GPR137C: variants seen among roughly 807,000 people sequenced by gnomAD.
GPR137C encodes the protein integral membrane protein GPR137C.
GPR137C carries 27 observed loss-of-function variants against 43.4 expected under a neutral mutation model. The observed-to-expected ratio is 0.62, with a 90% CI of 0.46 to 0.86. The LOEUF is 0.86. Among genes scored for constraint, GPR137C ranks in the 40% least tolerant of loss-of-function variants. The probability of loss-of-function intolerance (pLI) is 0.00; values close to 1 mark genes in which losing one functional copy is unlikely to be tolerated. For synonymous variants in GPR137C, 285 were observed against 226.9 expected, an observed-to-expected ratio of 1.26 and a Z score of -2.30; for missense variants, 522 against 534.6, an observed-to-expected ratio of 0.98 and a Z score of 0.23.
chr14:52,604,877 G>A (rs1189161957), intron 3 of GPR137C, among the ~76,000 whole-genome samples: 1 of 152,146 alleles, frequency 6.6e-6, no homozygotes, highest in Admixed American at 6.6e-5. Flanking sequence ...TAAGTGTGTG[G>A]ATTTATTTCT....
intron 1 of GPR137C, among the ~76,000 whole-genome samples, chr14:52,581,590 T>C (rs1426518359): frequency 1.3e-5 from 2 of 152,114 alleles, no homozygotes; most frequent in Non-Finnish European, 2.9e-5. Context: ...ATTCAATTTA[T>C]GGCTAAAGTA....
intron 1 of GPR137C, among the ~76,000 whole-genome samples, chr14:52,557,865 A>G (rs1238304413): frequency 6.6e-6 from 1 of 152,214 alleles, no homozygotes; most frequent in Non-Finnish European, 1.5e-5. Context: ...ACTTTCCTGG[A>G]TACATCACTT....
chr14:52,584,579 TC>T (rs1327596516), intron 1 of GPR137C, among the ~76,000 whole-genome samples: 1 of 152,146 alleles, frequency 6.6e-6, no homozygotes, highest in Non-Finnish European at 1.5e-5. Context: ...GCCTCCTGAC[TC>T]CCTTTTGTTA....
chr14:52,555,108 G>A (rs954531465), intron 1 of GPR137C, among the ~76,000 whole-genome samples: 27 of 152,050 alleles, frequency 1.8e-4, no homozygotes, highest in African/African-American at 4.8e-4. Flanking sequence ...CAGATAGTGC[G>A]TTAGTGACTT....
At chr14:52,631,024 A>G (rs894811543) in intron 3 of GPR137C, among the ~76,000 whole-genome samples, 12 of 152,336 alleles carry the variant, frequency 7.9e-5, no homozygotes, top group African/African-American at 2.2e-4. Flanking sequence ...ATTTTCTGAA[A>G]TATTTGAACA....
At chr14:52,609,998 C>G (rs558288445) in intron 3 of GPR137C, among the ~76,000 whole-genome samples, 1 of 152,174 alleles carries the variant, frequency 6.6e-6, no homozygotes, top group Non-Finnish European at 1.5e-5. Flanking sequence ...TTTATTCCAG[C>G]CATATAGACT....
Position 52,632,231 on chromosome 14 carries a change from T to C in GPR137C, c.789T>C (p.Tyr263=), listed in dbSNP as rs2039303173. The change falls in exon 4 of 7, where the codon TAT becomes TAC. Residue 263 remains tyrosine, a synonymous_variant. Coordinates refer to ENST00000321662, the MANE Select transcript of GPR137C (RefSeq NM_001099652.2). ...VILLYSSRAC[Y]NLVVVTISQD... ...TTCTGTACTCTTCCAGAGCTTGTTA[T>C]AATTTGGTGGTGGTCACCATATCTC... 2 of 1,609,320 alleles carry C rather than the reference T, an allele frequency of 1.2e-6. No individual in the cohort carries two copies. The highest frequency in any genetic ancestry group is 1.7e-5 in the Admixed American group (1 of 59,970).
intron 1 of GPR137C, among the ~76,000 whole-genome samples, chr14:52,586,896 T>C (rs2038720596): frequency 6.6e-6 from 1 of 152,204 alleles, no homozygotes; most frequent in Admixed American, 6.5e-5. Flanking sequence ...TCAGCTCAAG[T>C]TCAACAGTCT....
At chr14:52,597,156 G>C (rs781468469) in intron 1 of GPR137C, among the ~76,000 whole-genome samples, 2 of 152,180 alleles carry the variant, frequency 1.3e-5, no homozygotes, top group Non-Finnish European at 2.9e-5. Flanking sequence ...AGTCCTCCCT[G>C]ACGCTCCAGA....
At chr14:52,629,013 T>C (rs2039263613) in intron 3 of GPR137C, among the ~76,000 whole-genome samples, 1 of 152,150 alleles carries the variant, frequency 6.6e-6, no homozygotes, top group South Asian at 2.1e-4. Context: ...GATATACAAA[T>C]GGCCAATAAC....
At chr14:52,608,141 C>T (rs897803002) in intron 3 of GPR137C, among the ~76,000 whole-genome samples, 9 of 152,154 alleles carry the variant, frequency 5.9e-5, no homozygotes, top group Non-Finnish European at 1.0e-4. Flanking sequence ...GGATTTACTG[C>T]CATTTTTGCT....
intron 2 of GPR137C, among the ~76,000 whole-genome samples, chr14:52,599,317 A>G (rs550446843): frequency 5.3e-5 from 8 of 152,252 alleles, no homozygotes; most frequent in African/African-American, 2.4e-5. Flanking sequence ...TTGAAGCTCT[A>G]CATATACTGT....
chr14:52,577,446 C>T (rs911211009), intron 1 of GPR137C, among the ~76,000 whole-genome samples: 5 of 151,528 alleles, frequency 3.3e-5, no homozygotes, highest in Admixed American at 2.0e-4. Context: ...ACAAACAAAA[C>T]CCAAAGCTAG....
chr14:52,578,860 C>A (rs978924854), intron 1 of GPR137C, among the ~76,000 whole-genome samples: 1 of 151,910 alleles, frequency 6.6e-6, no homozygotes, highest in African/African-American at 2.4e-5. Context: ...TGGAGAATCT[C>A]TTGAACCTAG....
chr14:52,593,746 G>A (rs183189690), intron 1 of GPR137C, among the ~76,000 whole-genome samples: 7 of 151,446 alleles, frequency 4.6e-5, no homozygotes, highest in Non-Finnish European at 7.4e-5. Context: ...TCTTGCTAGC[G>A]GTCTCTCTAT....
At chr14:52,615,030 T>A (rs1003106082) in intron 3 of GPR137C, among the ~76,000 whole-genome samples, 3 of 152,228 alleles carry the variant, frequency 2.0e-5, no homozygotes, top group African/African-American at 7.2e-5. Context: ...AAGAAACTTT[T>A]GCCCAGACCA....
At chr14:52,584,813 T>C (rs989432410) in intron 1 of GPR137C, among the ~76,000 whole-genome samples, 2 of 152,114 alleles carry the variant, frequency 1.3e-5, no homozygotes, top group Non-Finnish European at 2.9e-5. Flanking sequence ...GCTGACCAGA[T>C]TGGTCTCAAA....
At chr14:52,599,143 A>G (rs965487527) in intron 2 of GPR137C, among the ~76,000 whole-genome samples, 2 of 152,216 alleles carry the variant, frequency 1.3e-5, no homozygotes, top group African/African-American at 4.8e-5. Flanking sequence ...TCGTGCAGAT[A>G]GTTGTTACTG....
At chr14:52,571,859 TAAA>T (rs748038270) in intron 1 of GPR137C, among the ~76,000 whole-genome samples, 1 of 151,538 alleles carries the variant, frequency 6.6e-6, no homozygotes. Flanking sequence ...GCCAGACTAA[TAAA>T]GAAGAAAAGA....
Sources: gnomAD v4.1 joint callset for allele counts (sites outside exome capture counted in the v4.1 genomes callset) on GRCh38, gnomAD v4.1.1 for gene constraint, MANE v1.5 for transcripts, NCBI Gene and HGNC (gene_info 2026-07-23, HGNC 2026-07-21) for gene names.